NRCAM: variants seen among roughly 807,000 people sequenced by gnomAD.
NRCAM encodes the protein NgCAM-related cell adhesion molecule.
Under a neutral mutation model 156.5 loss-of-function variants are expected in NRCAM, and 83 were observed. That is an observed-to-expected ratio of 0.53 (90% CI 0.44 to 0.64). The LOEUF (loss-of-function observed/expected upper bound fraction) is 0.64. NRCAM is among the 30% of genes least tolerant of loss of function. NRCAM has a pLI of 0.00. For missense variants in NRCAM, 1,417 were observed against 1,597.3 expected (o/e 0.89, Z 1.92); for synonymous variants, 538 against 563.9 (o/e 0.95, Z 0.65).
chr7:108,165,680 G>A lies in NRCAM; in HGVS notation c.3466+1241C>T, dbSNP rs149471450. On this transcript the variant is annotated intron_variant, in intron 30 of 32. Transcript: ENST00000379028. ...ATGTGTGGTTTTCTTAAAACATTAT[G>A]ATTTTAGCAAATGAATATCTTTAAA... Among the ~76,000 whole-genome samples the A allele has an allele frequency of 9.7e-4, 148 of 152,264 alleles. 1 individual carries two copies. The highest frequency in any genetic ancestry group is 3.4e-3 in the African/African-American group (140 of 41,554).
At chr7:108,220,616 A>G (rs200353897) in intron 11 of NRCAM, among the ~76,000 whole-genome samples, 1 of 152,302 alleles carries the variant, frequency 6.6e-6, no homozygotes, top group East Asian at 1.9e-4. Flanking sequence ...CCTTTTCAAT[A>G]ATTGGTGTTG....
intron 13 of NRCAM, among the ~76,000 whole-genome samples, chr7:108,204,800 G>A (rs1306786545): frequency 6.6e-6 from 1 of 152,174 alleles, no homozygotes; most frequent in African/African-American, 2.4e-5. Flanking sequence ...TGGAAGAGAT[G>A]AGCTGATCTG....
At chr7:108,371,520 G>A (rs1413759229) in intron 2 of NRCAM, among the ~76,000 whole-genome samples, 1 of 152,118 alleles carries the variant, frequency 6.6e-6, no homozygotes, top group African/African-American at 2.4e-5. Context: ...TTCTTTGTAG[G>A]CTGAAGAGAA....
chr7:108,250,573 G>A (rs1389887837), intron 3 of NRCAM, among the ~76,000 whole-genome samples: 1 of 151,904 alleles, frequency 6.6e-6, no homozygotes, highest in Non-Finnish European at 1.5e-5. Context: ...TGGAGGTAGA[G>A]CAGAAGAATG....
Position 108,198,091 on chromosome 7 carries a change from CAG to C in NRCAM, c.1214_1215del (p.Pro405ArgfsTer2). The C allele has an allele frequency of 6.2e-7, 1 of 1,602,020 alleles. No individual in the cohort carries two copies. The highest frequency in any genetic ancestry group is 8.5e-7 in the Non-Finnish European group (1 of 1,176,008). ...LTNGVPIEIAPDDPSRKIDGD... is the reference protein window; with the variant it reads ...LTNGVPIEIAXDDPSRKIDGD... ...CCATCTATTTTTCTGCTGGGGTCATCAGGGGCAACTGTTTGGATGTAAAAATA... is the reference window on the plus strand; with the variant it reads ...CCATCTATTTTTCTGCTGGGGTCATCGGGCAACTGTTTGGATGTAAAAATA... On this transcript the variant is annotated frameshift_variant, in exon 14 of 33. Coordinates refer to ENST00000379028, the MANE Select transcript of NRCAM (RefSeq NM_001037132.4). LOFTEE classifies it high-confidence loss of function.
intron 3 of NRCAM, among the ~76,000 whole-genome samples, chr7:108,264,523 A>G (rs1241766635): frequency 6.6e-6 from 1 of 152,222 alleles, no homozygotes; most frequent in Non-Finnish European, 1.5e-5. Flanking sequence ...TGAGCACTCT[A>G]AAAATGGTCC....
chr7:108,439,992 T>C (rs1295625529), intron 1 of NRCAM, among the ~76,000 whole-genome samples: 1 of 152,050 alleles, frequency 6.6e-6, no homozygotes, highest in Non-Finnish European at 1.5e-5. Flanking sequence ...AAATATACCA[T>C]ACAAGCCAGC....
intron 3 of NRCAM, among the ~76,000 whole-genome samples, chr7:108,246,464 G>A (rs1461792323): frequency 6.6e-6 from 1 of 152,090 alleles, no homozygotes; most frequent in Non-Finnish European, 1.5e-5. Context: ...GTTTGGAGCA[G>A]GAACAAAAGC....
chr7:108,421,922 A>C (rs1419409937), intron 1 of NRCAM, among the ~76,000 whole-genome samples: 1 of 152,216 alleles, frequency 6.6e-6, no homozygotes, highest in Non-Finnish European at 1.5e-5. Context: ...CAGGCAAAAG[A>C]TCTGACTAGC....
At chr7:108,432,545 C>A (rs1009445870) in intron 1 of NRCAM, among the ~76,000 whole-genome samples, 1 of 152,162 alleles carries the variant, frequency 6.6e-6, no homozygotes, top group African/African-American at 2.4e-5. Flanking sequence ...TTAGTGTGCA[C>A]ACTGAAGAGG....
At chr7:108,384,319 AAAC>A (rs2099726068) in intron 2 of NRCAM, among the ~76,000 whole-genome samples, 2 of 152,162 alleles carry the variant, frequency 1.3e-5, no homozygotes, top group Admixed American at 1.3e-4. Flanking sequence ...AGAAAAACAA[AAAC>A]AAAACCAAAA....
chr7:108,364,977 T>C (rs1036910301), intron 2 of NRCAM, among the ~76,000 whole-genome samples: 2 of 152,076 alleles, frequency 1.3e-5, no homozygotes, highest in Non-Finnish European at 2.9e-5. Flanking sequence ...GTGAAATATA[T>C]CTCAATATAG....
At chr7:108,293,467 T>C (rs927576635) in intron 3 of NRCAM, among the ~76,000 whole-genome samples, 2 of 152,172 alleles carry the variant, frequency 1.3e-5, no homozygotes, top group Admixed American at 6.6e-5. Context: ...AAAACATTTT[T>C]AAATCTGCTA....
chr7:108,453,264 A>G (rs1202621798), intron 1 of NRCAM, among the ~76,000 whole-genome samples: 1 of 152,236 alleles, frequency 6.6e-6, no homozygotes, highest in Non-Finnish European at 1.5e-5. Flanking sequence ...GTCTATTTAT[A>G]TTCAATCTGT....
At chr7:108,158,396 T>A (rs1035867089) in intron 32 of NRCAM, among the ~76,000 whole-genome samples, 8 of 152,190 alleles carry the variant, frequency 5.3e-5, no homozygotes, top group South Asian at 2.1e-4. Context: ...TGAAAATATA[T>A]GTCTTTTTCT....
At chr7:108,275,710 G>A (rs2097569503) in intron 3 of NRCAM, among the ~76,000 whole-genome samples, 1 of 152,040 alleles carries the variant, frequency 6.6e-6, no homozygotes, top group African/African-American at 2.4e-5. Flanking sequence ...ATTTTTTGAA[G>A]GGTTTTTCGT....
At chr7:108,448,852 T>C (rs1847311260) in intron 1 of NRCAM, among the ~76,000 whole-genome samples, 1 of 152,062 alleles carries the variant, frequency 6.6e-6, no homozygotes, top group African/African-American at 2.4e-5. Flanking sequence ...TAGACAATAT[T>C]TAGGACAGAT....
chr7:108,168,668 T>A (rs2056489504), intron 28 of NRCAM, among the ~76,000 whole-genome samples: 2 of 152,194 alleles, frequency 1.3e-5, no homozygotes, highest in South Asian at 4.1e-4. Context: ...CAATGTTAAC[T>A]GTTGTCCATT....
In NRCAM at chr7:108,306,728, A is replaced by C. The variant is rs76191222; in HGVS notation, c.-107+5937T>G. 6.7e-3 allele frequency among the ~76,000 whole-genome samples: 1,027 copies of C among 152,330 alleles called. 6 individuals are homozygous for C. Among genetic ancestry groups the C allele is most frequent in the Non-Finnish European group, 0.011 (782 of 68,018 alleles). On this transcript the variant is annotated intron_variant, in intron 3 of 32. Coordinates refer to ENST00000379028, the MANE Select transcript of NRCAM (RefSeq NM_001037132.4). ...GTTATTTAATGAGAATTCAGAATAC[A>C]GCAGGAGAAGTCACAACCTGGAATG...
Sources: gnomAD v4.1 joint callset for allele counts (sites outside exome capture counted in the v4.1 genomes callset) on GRCh38, gnomAD v4.1.1 for gene constraint, MANE v1.5 for transcripts, NCBI Gene and HGNC (gene_info 2026-07-23, HGNC 2026-07-21) for gene names.